The following ENTPD7 variants were observed in gnomAD, a reference collection of about 807,000 sequenced individuals.
ENTPD7 encodes ectonucleoside triphosphate diphosphohydrolase 7.
ENTPD7 carries 53 observed loss-of-function variants against 77.9 expected under a neutral mutation model. The ratio of observed to expected loss-of-function variants is 0.68; its 90% confidence interval spans 0.55 to 0.85. The LOEUF (loss-of-function observed/expected upper bound fraction) is 0.85. ENTPD7 is among the 40% of genes least tolerant of loss of function. The pLI, the probability that ENTPD7 is intolerant of heterozygous loss-of-function variation, is 0.00. For missense variants in ENTPD7, 636 were observed against 743.7 expected (o/e 0.86, Z 1.68); for synonymous variants, 248 against 274.9 (o/e 0.90, Z 0.97).
At chr10:99,683,034 T>C (rs2035772458) in intron 5 of ENTPD7, among the ~76,000 whole-genome samples, 1 of 152,188 alleles carries the variant, frequency 6.6e-6, no homozygotes, top group African/African-American at 2.4e-5. Flanking sequence ...TCCACCCTTT[T>C]TGTCTAAGAT....
At chr10:99,681,807 A>T (rs142225948) in intron 5 of ENTPD7, among the ~76,000 whole-genome samples, 1 of 152,258 alleles carries the variant, frequency 6.6e-6, no homozygotes, top group East Asian at 1.9e-4. Context: ...GCAACTTTTC[A>T]TATGCCTGTT....
intron 3 of ENTPD7, among the ~76,000 whole-genome samples, chr10:99,665,057 C>T (rs1301365337): frequency 2.6e-5 from 4 of 151,878 alleles, no homozygotes; most frequent in Non-Finnish European, 5.9e-5. Context: ...TCGAGACCAA[C>T]CTGTGCAACA....
rs1041324284 is a variant in ENTPD7 at position 99,709,465 on chromosome 10, CA to C, written c.*4788del. On this transcript the variant is annotated 3_prime_UTR_variant, in exon 13 of 13. Coordinates refer to ENST00000370489, the MANE Select transcript of ENTPD7 (RefSeq NM_020354.5). ...ACTTGTGAGGATTTTCCTGGTGTTA[CA>C]AAAAATATTGCTGTTAAAAAACTAA... is the stretch of plus-strand genomic sequence containing the variant. 2 of 985,152 alleles carry C rather than the reference CA, an allele frequency of 2.0e-6. No homozygotes were observed. The highest frequency in any genetic ancestry group is 3.5e-5 in the African/African-American group (2 of 57,182). The allele number at this position is 985,152 out of a possible 1,614,324, so 61.0% of individuals were successfully genotyped here.
rs749665074 is a variant in ENTPD7, at chr10:99,661,646, T to A, written c.191+18T>A. 6.3e-7 allele frequency: 1 copy of A among 1,583,144 alleles called. No homozygotes were observed. The highest frequency in any genetic ancestry group is 1.8e-5 in the Admixed American group (1 of 54,404). ...TACGAAAGGTGAGTCAGCTTTAGAT[T>A]TTGGCACTCAAGTCATAAATATTTT... On this transcript the variant is annotated intron_variant, in intron 3 of 12. Coordinates refer to ENST00000370489, the MANE Select transcript of ENTPD7 (RefSeq NM_020354.5).
At chr10:99,683,029 C>G (rs907045200) in intron 5 of ENTPD7, among the ~76,000 whole-genome samples, 5 of 152,090 alleles carry the variant, frequency 3.3e-5, no homozygotes, top group Non-Finnish European at 7.4e-5. Context: ...GTAGCTCCAC[C>G]CTTTTTGTCT....
chr10:99,691,246 C>T (rs2035878979), intron 7 of ENTPD7, 139 bp from the exon 8 acceptor site: 1 of 844,878 alleles, frequency 1.2e-6, no homozygotes, highest in Admixed American at 2.9e-5. Context: ...CCCACCTTGG[C>T]CTCCCAGTGT....
chr10:99,674,012 CAG>C (rs55714089), intron 3 of ENTPD7, among the ~76,000 whole-genome samples: 62,143 of 151,758 alleles, frequency 0.41, 12,915 homozygotes, highest in East Asian at 0.6. Context: ...GAAATATAAA[CAG>C]GGAATATTGA....
intron 12 of ENTPD7, among the ~76,000 whole-genome samples, 162 bp from the exon 13 acceptor site, chr10:99,704,290 G>A (rs2036203248): frequency 6.6e-6 from 1 of 152,196 alleles, no homozygotes; most frequent in Non-Finnish European, 1.5e-5. Context: ...TCCTGGGGCG[G>A]GGGATGTTCT....
chr10:99,708,143 T>A lies in ENTPD7; in HGVS notation c.*3460T>A, dbSNP rs958902754. On this transcript the variant is annotated 3_prime_UTR_variant, in exon 13 of 13. Coordinates refer to ENST00000370489, the MANE Select transcript of ENTPD7 (RefSeq NM_020354.5). ...CAATCTTCTATTTATTCTCCAAATGTCTTCCAAAGTATCCTGCCCCACCCC... is the reference window on the plus strand; with the variant it reads ...CAATCTTCTATTTATTCTCCAAATGACTTCCAAAGTATCCTGCCCCACCCC... Among the ~76,000 whole-genome samples the A allele has an allele frequency of 6.6e-6, 1 of 152,174 alleles. No homozygotes were observed. Among genetic ancestry groups the A allele is most frequent in the Non-Finnish European group, 1.5e-5 (1 of 68,032 alleles).
At position 99,688,345 on chromosome 10, in the gene ENTPD7, G is replaced by A. The variant is rs570095268; in HGVS notation, c.653-349G>A. 7.9e-5 allele frequency among the ~76,000 whole-genome samples: 12 copies of A among 152,258 alleles called. 1 individual carries two copies. The South Asian group carries it at 2.5e-3, about 32-fold the overall frequency. On this transcript the variant is annotated intron_variant, in intron 6 of 12. Transcript: ENST00000370489. ...AGCTGCTCCATGCATTCTATCTAGAGTTTATATTTGTATTCAGTGGGGAGA... is the reference window on the plus strand; with the variant it reads ...AGCTGCTCCATGCATTCTATCTAGAATTTATATTTGTATTCAGTGGGGAGA...
chr10:99,689,784 GT>G lies in ENTPD7; in HGVS notation c.709+1039del, dbSNP rs368064808. Reference sequence around the variant, plus strand: ...CCAATTGTGATCATTGCTTGGACATGTTTTTCATTAGAGATTGCAAAATGGT... The same window carrying G: ...CCAATTGTGATCATTGCTTGGACATGTTTTCATTAGAGATTGCAAAATGGT... On this transcript the variant is annotated intron_variant, in intron 7 of 12. Transcript: ENST00000370489. Among the ~76,000 whole-genome samples the G allele has an allele frequency of 2.6e-3, 391 of 152,288 alleles. 1 individual carries two copies. Among genetic ancestry groups the G allele is most frequent in the Non-Finnish European group, 4.0e-3 (274 of 68,008 alleles).
chr10:99,682,040 TCTTA>T (rs1310868049), intron 5 of ENTPD7, among the ~76,000 whole-genome samples: 1 of 152,196 alleles, frequency 6.6e-6, no homozygotes, highest in Non-Finnish European at 1.5e-5. Context: ...TTTGATATAG[TCTTA>T]CTTGTTTATT....
chr10:99,665,112 C>T (rs2035532482), intron 3 of ENTPD7, among the ~76,000 whole-genome samples: 1 of 152,010 alleles, frequency 6.6e-6, no homozygotes, highest in African/African-American at 2.4e-5. Flanking sequence ...ATTAGCCAGG[C>T]ATGGTAGCAT....
chr10:99,675,910 A>C (rs1017470390), intron 3 of ENTPD7, among the ~76,000 whole-genome samples: 9 of 152,168 alleles, frequency 5.9e-5, no homozygotes, highest in African/African-American at 1.9e-4. Flanking sequence ...CTAATCTTTA[A>C]GAAACGCTAC....
At chr10:99,689,412 T>C (rs1277401996) in intron 7 of ENTPD7, among the ~76,000 whole-genome samples, 1 of 152,108 alleles carries the variant, frequency 6.6e-6, no homozygotes, top group African/African-American at 2.4e-5. Flanking sequence ...CAAGAAAAAA[T>C]TGGATCACCT....
In ENTPD7 at chr10:99,708,134, C is replaced by T. The variant is rs2036288523; in HGVS notation, c.*3451C>T. Reference sequence around the variant, plus strand: ...ACTTTCCACCAATCTTCTATTTATTCTCCAAATGTCTTCCAAAGTATCCTG... The same window carrying T: ...ACTTTCCACCAATCTTCTATTTATTTTCCAAATGTCTTCCAAAGTATCCTG... On this transcript the variant is annotated 3_prime_UTR_variant, in exon 13 of 13. Transcript: ENST00000370489. 6.6e-6 allele frequency among the ~76,000 whole-genome samples: 1 copy of T among 152,152 alleles called. No individual in the cohort carries two copies. The highest frequency in any genetic ancestry group is 6.5e-5 in the Admixed American group (1 of 15,274).
Position 99,702,616 on chromosome 10 carries a change from G to A in ENTPD7, c.1526G>A (p.Arg509Gln), listed in dbSNP as rs377697566. ...CGGACAGCCCAGCTGGTGTATGACCGAGAGGTTCAGTGGACGCTGGGAGCC... is the reference window on the plus strand; with the variant it reads ...CGGACAGCCCAGCTGGTGTATGACCAAGAGGTTCAGTGGACGCTGGGAGCC... ...NLRTAQLVYD[R>Q]EVQWTLGAIL... is the part of the protein sequence containing the mutation. The change falls in exon 12 of 13, where the codon CGA becomes CAA. Residue 509 changes from arginine (R) to glutamine (Q), a missense_variant. Coordinates refer to ENST00000370489, the MANE Select transcript of ENTPD7 (RefSeq NM_020354.5). 3.7e-5 allele frequency: 59 copies of A among 1,613,552 alleles called. 2 individuals carry two copies. In the South Asian group the frequency reaches 4.3e-4, roughly 12 times the overall value.
At position 99,709,702 on chromosome 10, in the gene ENTPD7, A is replaced by T; in HGVS notation, c.*5019A>T. ...TCTACCCTGTTTTCTGTTTCTGCAG[A>T]TGGCTTGTTCAAGCTTCATTTTAAG... On this transcript the variant is annotated 3_prime_UTR_variant, in exon 13 of 13. Coordinates refer to ENST00000370489, the MANE Select transcript of ENTPD7 (RefSeq NM_020354.5). The T allele has an allele frequency of 1.0e-6, 1 of 985,410 alleles. No individual in the cohort carries two copies. The highest frequency in any genetic ancestry group is 1.2e-6 in the Non-Finnish European group (1 of 829,930). The allele number at this position is 985,410 out of a possible 1,614,324, so 61.0% of individuals were successfully genotyped here.
In ENTPD7 at chr10:99,705,175, G is replaced by A. The variant is rs1226355888; in HGVS notation, c.*492G>A. ...CCTTTAACAGGGATCCAAGATCTTT[G>A]CAGTTCAATCGACCACATAGGAATT... On this transcript the variant is annotated 3_prime_UTR_variant, in exon 13 of 13. Transcript: ENST00000370489. 1 of 161,056 alleles carries A rather than the reference G, an allele frequency of 6.2e-6. No individual in the cohort carries two copies. The highest frequency in any genetic ancestry group is 1.4e-5 in the Non-Finnish European group (1 of 72,316). 10.0% of individuals were successfully genotyped at this position (161,056 alleles called of 1,614,324 possible). A position where few individuals can be genotyped will look rare whatever the true frequency, so the allele number is the denominator to read the frequency against.
Sources: gnomAD v4.1 joint callset for allele counts (sites outside exome capture counted in the v4.1 genomes callset) on GRCh38, gnomAD v4.1.1 for gene constraint, MANE v1.5 for transcripts, NCBI Gene and HGNC (gene_info 2026-07-23, HGNC 2026-07-21) for gene names.